The following AFMID variants were observed in gnomAD, a reference collection of about 807,000 sequenced individuals.
AFMID encodes the protein arylformamidase.
A neutral mutation model predicts 47.5 loss-of-function variants in AFMID; 39 were observed. That is an observed-to-expected ratio of 0.82 (90% CI 0.64 to 1.07). AFMID has a LOEUF of 1.07. Ranked by LOEUF, AFMID falls within the 50% of genes least tolerant of loss-of-function variation. The pLI is 0.00. For synonymous variants in AFMID, 130 were observed against 153.2 expected (o/e 0.85, Z 1.12); for missense variants, 375 against 387.5 (o/e 0.97, Z 0.27).
At chr17:78,196,987 C>G in intron 2 of AFMID, 1 of 670,580 alleles carries the variant, frequency 1.5e-6, no homozygotes, top group Non-Finnish European at 2.6e-6. Context: ...GGCAATTTCT[C>G]TTTCCCGAGG....
rs141385066 is a variant in AFMID at position 78,204,686 on chromosome 17, G to A, written c.339G>A (p.Pro113=). The A allele has an allele frequency of 3.8e-5, 61 of 1,614,156 alleles. No homozygotes were observed. Among genetic ancestry groups the A allele is most frequent in the Middle Eastern group, 3.3e-4 (2 of 6,062 alleles). Residue 113 remains proline (P), a synonymous_variant, in exon 5 of 11, where the codon CCG becomes CCA. Transcript: ENST00000409257. Reference sequence around the variant, plus strand: ...ATGAGTCTGCCTTCATGGTCCACCCGCTGACGGCACAGGGAGTGGCCGTGG... The same window carrying A: ...ATGAGTCTGCCTTCATGGTCCACCCACTGACGGCACAGGGAGTGGCCGTGG... ...SKDESAFMVH[P]LTAQGVAVVI...
At chr17:78,203,053 CTCTTTTTT>C (rs2076287491) in intron 4 of AFMID, 1 of 246,150 alleles carries the variant, frequency 4.1e-6, no homozygotes, top group Non-Finnish European at 7.5e-6. Flanking sequence ...ATCTTCCTCT[CTCTTTTTT>C]TTTTTTTTTT....
At chr17:78,196,994 G>C (rs117578576) in intron 2 of AFMID, 1 of 686,168 alleles carries the variant, frequency 1.5e-6, no homozygotes, top group Non-Finnish European at 2.5e-6. Flanking sequence ...TCTCTTTCCC[G>C]AGGTTAGTAG....
rs745657671 is a variant in AFMID at position 78,206,038 on chromosome 17, C to A, written c.873C>A (p.Asn291Lys). ...TTGAGAATCTGACCCAGAAGGACAA[C>A]GTGCTCACCCAGGTGGGGCCTCATC... ...EIVENLTQKD[N>K]VLTQIILKTI... Residue 291 changes from asparagine to lysine, a missense_variant, in exon 10 of 11, where the codon AAC (asparagine) becomes AAA (lysine). Asn to Lys is a moderately conservative substitution (Grantham distance 94). Transcript: ENST00000409257. 3.7e-6 allele frequency: 6 copies of A among 1,614,102 alleles called. No homozygotes were observed. Among genetic ancestry groups the A allele is most frequent in the Non-Finnish European group, 5.1e-6 (6 of 1,179,998 alleles).
chr17:78,205,799 C>T (rs761511548), intron 9 of AFMID, 61 bp downstream of exon 9: 3 of 1,601,192 alleles, frequency 1.9e-6, no homozygotes, highest in Non-Finnish European at 1.7e-6. Flanking sequence ...TTATTTTCCT[C>T]TTTCTTTTAC....
At chr17:78,196,976 A>G (rs906515937) in intron 2 of AFMID, among the ~76,000 whole-genome samples, 27 of 152,198 alleles carry the variant, frequency 1.8e-4, no homozygotes, top group Non-Finnish European at 2.8e-4. Flanking sequence ...TCCTAGAGAG[A>G]GGCAATTTCT....
intron 1 of AFMID, among the ~76,000 whole-genome samples, chr17:78,187,768 A>G (rs910349592): frequency 1.3e-5 from 2 of 152,002 alleles, no homozygotes; most frequent in African/African-American, 4.8e-5. Context: ...CCTGGCCAAC[A>G]TGGTGAAACC....
intron 6 of AFMID, 57 bp from the exon 7 acceptor site, chr17:78,205,036 C>T (rs2076341171): frequency 1.3e-6 from 2 of 1,562,852 alleles, no homozygotes; most frequent in Non-Finnish European, 1.7e-6. Context: ...TCGAAGGGGG[C>T]CTGATGTTGT....
Position 78,205,210 on chromosome 17 carries a change from C to T in AFMID, c.565+20C>T, listed in dbSNP as rs2145879658. ...TCAGAGGTTTCCATGGGAGCTACAGCCTGGCTGGGCAACCTTCATCTCCCC... is the reference window on the plus strand; with the variant it reads ...TCAGAGGTTTCCATGGGAGCTACAGTCTGGCTGGGCAACCTTCATCTCCCC... On this transcript the variant is annotated intron_variant, in intron 7 of 10. Transcript: ENST00000409257. 1 of 1,598,730 alleles carries T rather than the reference C, an allele frequency of 6.3e-7. No homozygotes were observed. The highest frequency in any genetic ancestry group is 1.3e-5 in the African/African-American group (1 of 74,738).
At chr17:78,205,245 G>T in intron 7 of AFMID, 55 bp downstream of exon 7, 1 of 1,553,726 alleles carries the variant, frequency 6.4e-7, no homozygotes, top group South Asian at 1.1e-5. Context: ...CATGAGCCTT[G>T]GGGTTTGGGC....
chr17:78,205,125 C>T lies in AFMID; in HGVS notation c.500C>T (p.Ala167Val), dbSNP rs2076343831. The T allele has an allele frequency of 1.2e-6, 2 of 1,612,532 alleles. No homozygotes were observed. The highest frequency in any genetic ancestry group is 3.3e-4 in the Middle Eastern group (2 of 6,060). The change falls in exon 7 of 11, where the codon GCC becomes GTC. Residue 167 changes from alanine to valine, a missense_variant. Coordinates refer to ENST00000409257, the MANE Select transcript of AFMID (RefSeq NM_001010982.5). ...TACCTGTGTGGACACTCAGCCGGGG[C>T]CCACCTGGCTGCCATGATGCTCCTG... ...GIYLCGHSAGAHLAAMMLLAD... is the reference protein window; with the variant it reads ...GIYLCGHSAGVHLAAMMLLAD...
chr17:78,206,583 G>GT (rs56266220), intron 10 of AFMID, among the ~76,000 whole-genome samples: 96,068 of 150,956 alleles, frequency 0.64, 31,351 homozygotes, highest in African/African-American at 0.77. Context: ...ATTATTCAAT[G>GT]TTTTGTAGAG....
At chr17:78,200,046 TAA>T (rs917290831) in intron 2 of AFMID, among the ~76,000 whole-genome samples, 10 of 135,288 alleles carry the variant, frequency 7.4e-5, no homozygotes, top group African/African-American at 1.6e-4. Context: ...CACAACGACA[TAA>T]AAAAAAAAAA....
chr17:78,205,448 CT>C lies in AFMID; in HGVS notation c.575del (p.Leu192ArgfsTer2), dbSNP rs780575940. 6.2e-7 allele frequency: 1 copy of C among 1,614,202 alleles called. No individual in the cohort carries two copies. Among genetic ancestry groups the C allele is most frequent in the East Asian group, 2.2e-5 (1 of 44,884 alleles). The part of the protein sequence containing the change: ...GVTPNLRGFF[L>X]VSGVFDLEPI... The stretch of plus-strand genomic sequence containing the variant: ...ATTCTGTACCTTCACAGGCTTTTTC[CT>C]GGTGAGTGGGGTCTTTGACCTGGAG... On this transcript the variant is annotated frameshift_variant, in exon 8 of 11. Transcript: ENST00000409257. LOFTEE classifies it high-confidence loss of function.
At chr17:78,199,255 A>C (rs768049469) in intron 2 of AFMID, among the ~76,000 whole-genome samples, 1 of 152,186 alleles carries the variant, frequency 6.6e-6, no homozygotes, top group Admixed American at 6.5e-5. Context: ...ATGGTTCTGC[A>C]TTCTGGCATA....
rs1322116372 is a variant in AFMID, at chr17:78,207,036, G to C, written c.*99G>C. 2.3e-6 allele frequency: 3 copies of C among 1,288,360 alleles called. No homozygotes were observed. Among genetic ancestry groups the C allele is most frequent in the Non-Finnish European group, 3.4e-6 (3 of 885,108 alleles). 79.8% of individuals were successfully genotyped at this position (1,288,360 alleles called of 1,614,324 possible). On this transcript the variant is annotated 3_prime_UTR_variant, in exon 11 of 11. Coordinates refer to ENST00000409257, the MANE Select transcript of AFMID (RefSeq NM_001010982.5). ...ACACTGACAGCTTCAGTTTCCCCCA[G>C]CACCCAGGAGAGCCTTGCTGTGTCT... is the stretch of plus-strand genomic sequence containing the variant.
At chr17:78,206,581 A>C (rs923482084) in intron 10 of AFMID, among the ~76,000 whole-genome samples, 1 of 85,194 alleles carries the variant, frequency 1.2e-5, no homozygotes, top group Non-Finnish European at 2.1e-5. Context: ...TAATTATTCA[A>C]TGTTTTGTAG....
At chr17:78,192,815 A>G (rs1453043639) in intron 2 of AFMID, 2 of 331,152 alleles carry the variant, frequency 6.0e-6, no homozygotes, top group African/African-American at 4.3e-5. Context: ...TGCTTGGCAA[A>G]TTAGCTCTGT....
At chr17:78,196,086 G>C (rs2076104882) in intron 2 of AFMID, among the ~76,000 whole-genome samples, 1 of 152,188 alleles carries the variant, frequency 6.6e-6, no homozygotes, top group African/African-American at 2.4e-5. Context: ...AACCCAGGCT[G>C]GGCTCCATGG....
Sources: allele counts gnomAD v4.1 joint callset (sites outside exome capture counted in the v4.1 genomes callset), GRCh38; gene constraint gnomAD v4.1.1; transcripts MANE v1.5; gene names NCBI Gene and HGNC (gene_info 2026-07-23, HGNC 2026-07-21).